PIAS4: variants seen among roughly 807,000 people sequenced by gnomAD.
PIAS4 encodes E3 SUMO-protein ligase PIAS4.
In PIAS4, 7 loss-of-function variants were observed where a neutral mutation model predicts 58.0. That is an observed-to-expected ratio of 0.12 (90% CI 0.07 to 0.23). PIAS4 has a LOEUF of 0.23. Among genes scored for constraint, PIAS4 ranks in the 10% least tolerant of loss-of-function variants. PIAS4 has a pLI of 1.00. For missense variants in PIAS4, 550 were observed against 709.5 expected, an observed-to-expected ratio of 0.78 and a Z score of 2.55; for synonymous variants, 364 against 312.4, an observed-to-expected ratio of 1.17 and a Z score of -1.74.
chr19:4,012,691 G>A (rs1210050346), intron 1 of PIAS4, among the ~76,000 whole-genome samples: 1 of 151,936 alleles, frequency 6.6e-6, no homozygotes, highest in Non-Finnish European at 1.5e-5. Flanking sequence ...AGTCAGAGGC[G>A]CTTTTGCTGC....
Position 4,017,447 on chromosome 19 carries a change from G to A in PIAS4, c.454+4098G>A, listed in dbSNP as rs1599218814. ...TCGGCATCACCCCTGTGCCTAGCCA[G>A]GGGCACCTGTTCCCCGCCCCTCCAG... On this transcript the variant is annotated intron_variant, in intron 2 of 10. Coordinates refer to ENST00000262971, the MANE Select transcript of PIAS4 (RefSeq NM_015897.4). Among the ~76,000 whole-genome samples the A allele has an allele frequency of 3.9e-5, 6 of 152,266 alleles. 1 individual carries two copies. The highest frequency in any genetic ancestry group is 3.3e-4 in the Admixed American group (5 of 15,298).
At chr19:4,033,195 T>G in intron 8 of PIAS4, 22 bp downstream of exon 8, 1 of 1,597,194 alleles carries the variant, frequency 6.3e-7, no homozygotes, top group East Asian at 2.2e-5. Flanking sequence ...CGCGGTCCCC[T>G]CCTCGAGGCC....
chr19:4,024,219 T>G, intron 3 of PIAS4, 99 bp downstream of exon 3: 4 of 853,360 alleles, frequency 4.7e-6, no homozygotes, highest in Non-Finnish European at 5.9e-6. Context: ...ACTGCAGGCC[T>G]CGCTCGGGCT....
At chr19:4,035,752 TCACA>T (rs1201731707) in intron 9 of PIAS4, among the ~76,000 whole-genome samples, 5,913 of 59,840 alleles carry the variant, frequency 0.099, 398 homozygotes, top group African/African-American at 0.3. Context: ...GTCCACACCA[TCACA>T]CACACACACC....
At chr19:4,030,995 A>G (rs2040217935) in intron 7 of PIAS4, among the ~76,000 whole-genome samples, 1 of 151,796 alleles carries the variant, frequency 6.6e-6, no homozygotes, top group Admixed American at 6.6e-5. Flanking sequence ...GTTTGCTCGC[A>G]CCCCCTTCCC....
chr19:4,011,482 GTTT>G (rs2039991475), intron 1 of PIAS4, among the ~76,000 whole-genome samples: 1 of 152,208 alleles, frequency 6.6e-6, no homozygotes, highest in Non-Finnish European at 1.5e-5. Context: ...CTGCTGTTTG[GTTT>G]TTATTTCGCT....
chr19:4,014,478 T>C (rs1202612402), intron 2 of PIAS4, among the ~76,000 whole-genome samples: 1 of 152,214 alleles, frequency 6.6e-6, no homozygotes, highest in Non-Finnish European at 1.5e-5. Context: ...TTTGCGGACC[T>C]GTGCCTTGAG....
intron 2 of PIAS4, among the ~76,000 whole-genome samples, chr19:4,022,380 C>T (rs185682812): frequency 2.7e-3 from 405 of 151,778 alleles, no homozygotes; most frequent in African/African-American, 9.2e-3. Context: ...GACAGAGTCT[C>T]GCTCTGTAGC....
intron 3 of PIAS4, 141 bp downstream of exon 3, chr19:4,024,261 G>A (rs551001906): frequency 7.9e-5 from 53 of 670,198 alleles, no homozygotes; most frequent in East Asian, 5.2e-4. Flanking sequence ...GGCAGTGGCC[G>A]GGTTTGCTTC....
At position 4,038,077 on chromosome 19, in the gene PIAS4, AG is replaced by A; in HGVS notation, c.*203del. On this transcript the variant is annotated 3_prime_UTR_variant, in exon 11 of 11. Transcript: ENST00000262971. The surrounding 1 kb of genome is among the most constrained non-coding windows in gnomAD (Gnocchi z 4.1). Reference sequence around the variant, plus strand: ...AAAAAAAAAGTAAAATGACAAAAAAAGATACAAAAAAGAAAAATGAAACAAA... The same window carrying A: ...AAAAAAAAAGTAAAATGACAAAAAAAATACAAAAAAGAAAAATGAAACAAA... 1 of 561,240 alleles carries A rather than the reference AG, an allele frequency of 1.8e-6. No individual in the cohort carries two copies. Among genetic ancestry groups the A allele is most frequent in the Non-Finnish European group, 3.0e-6 (1 of 334,682 alleles). The allele number at this position is 561,240 out of a possible 1,614,324, so 34.8% of individuals were successfully genotyped here.
chr19:4,033,856 A>T (rs112202802), intron 9 of PIAS4, among the ~76,000 whole-genome samples: 2 of 152,278 alleles, frequency 1.3e-5, no homozygotes, highest in South Asian at 4.1e-4. Flanking sequence ...GGCAAGTGTG[A>T]CCCTGAGCTC....
intron 9 of PIAS4, among the ~76,000 whole-genome samples, chr19:4,033,903 G>T (rs879626154): frequency 1.3e-5 from 2 of 152,180 alleles, no homozygotes; most frequent in Non-Finnish European, 2.9e-5. Context: ...ACTGAGCCAG[G>T]TCGTGCTTTC....
At chr19:4,029,671 T>C (rs943135437) in intron 7 of PIAS4, among the ~76,000 whole-genome samples, 2 of 150,918 alleles carry the variant, frequency 1.3e-5, no homozygotes, top group African/African-American at 4.9e-5. Flanking sequence ...AAAAAAAAAG[T>C]GTCTCGGTGT....
Position 4,037,410 on chromosome 19 carries a change from C to G in PIAS4, c.1179C>G (p.Ala393=), listed in dbSNP as rs781616538. The G allele has an allele frequency of 1.2e-6, 2 of 1,610,598 alleles. No individual in the cohort carries two copies. Among genetic ancestry groups the G allele is most frequent in the East Asian group, 4.5e-5 (2 of 44,832 alleles). Residue 393 remains alanine, a synonymous_variant, in exon 10 of 11, where the codon GCC becomes GCG. Coordinates refer to ENST00000262971, the MANE Select transcript of PIAS4 (RefSeq NM_015897.4). This position sits in a 1 kb window ranked among gnomAD's most constrained non-coding sequence, Gnocchi z 5.8. ...LSKILSECED[A]DEIEYLVDGS... is the part of the protein sequence containing the mutation. ...AGATCCTGAGCGAGTGTGAGGACGC[C>G]GACGAGATCGAGTACCTGGTGGACG...
At position 4,013,134 on chromosome 19, in the gene PIAS4, C is replaced by A; in HGVS notation, c.239C>A (p.Pro80His). The stretch of plus-strand genomic sequence containing the variant: ...GAGCCTGCCCCACAGCCGCACCGGC[C>A]CCTGGACCCCCTGACCATGCACTCC... ...NSEPAPQPHR[P>H]LDPLTMHSTY... The change falls in exon 2 of 11, where the codon CCC becomes CAC. Residue 80 changes from proline to histidine, a missense_variant. Physicochemically the swap from Pro to His is moderately conservative, Grantham distance 77 (BLOSUM62 -2). Around this residue, in one of 4 missense-constraint regions of PIAS4, gnomAD observed 95 missense variants for 87.5 expected, o/e 1.09. Coordinates refer to ENST00000262971, the MANE Select transcript of PIAS4 (RefSeq NM_015897.4). The surrounding 1 kb of genome is among the most constrained non-coding windows in gnomAD (Gnocchi z 5.1). 6.2e-7 allele frequency: 1 copy of A among 1,613,410 alleles called. No homozygotes were observed. The highest frequency in any genetic ancestry group is 8.5e-7 in the Non-Finnish European group (1 of 1,180,008).
Position 4,037,305 on chromosome 19 carries a change from A to ATGGAGGGC in PIAS4, c.1143-65_1143-58dup. On this transcript the variant is annotated intron_variant, in intron 9 of 10. Transcript: ENST00000262971. This position sits in a 1 kb window ranked among gnomAD's most constrained non-coding sequence, Gnocchi z 5.8. ...GAGTGCCTGGCTGCATCCGGGAGGG[A>ATGGAGGGC]TGGAGGGCTGGGGAGTTGGGGGGGT... The ATGGAGGGC allele has an allele frequency of 7.3e-7, 1 of 1,368,364 alleles. No homozygotes were observed. The highest frequency in any genetic ancestry group is 9.8e-7 in the Non-Finnish European group (1 of 1,022,242). 84.8% of individuals were successfully genotyped at this position (1,368,364 alleles called of 1,614,324 possible).
intron 3 of PIAS4, 51 bp downstream of exon 3, chr19:4,024,171 T>C (rs2040139561): frequency 7.3e-7 from 1 of 1,366,428 alleles, no homozygotes; most frequent in South Asian, 1.2e-5. Context: ...CCACCCACTT[T>C]CTCCTGGGCT....
rs2040019826 is a variant in PIAS4, at chr19:4,013,440, A to C, written c.454+91A>C. 8.3e-7 allele frequency: 1 copy of C among 1,203,756 alleles called. No homozygotes were observed. The highest frequency in any genetic ancestry group is 1.4e-5 in the South Asian group (1 of 72,340). The allele number at this position is 1,203,756 out of a possible 1,614,324, so 74.6% of individuals were successfully genotyped here. On this transcript the variant is annotated intron_variant, in intron 2 of 10. Transcript: ENST00000262971. The surrounding 1 kb of genome is among the most constrained non-coding windows in gnomAD (Gnocchi z 5.1). ...CCAGCCACACAGCCGACTTCGAGTG[A>C]TGTTCTCTGTGGCGCAGCCAGGGCG...
rs911827306 is a variant in PIAS4, at chr19:4,033,406, C to T, written c.982-14C>T. The T allele has an allele frequency of 2.7e-5, 41 of 1,545,764 alleles. No homozygotes were observed. Among genetic ancestry groups the T allele is most frequent in the Non-Finnish European group, 3.1e-5 (36 of 1,146,114 alleles). ...CAGGAGGGGTGCCCTGCTCACGCAG[C>T]CCCTCCCCCACAGCTGGTGAAGATG... On this transcript the variant is annotated splice_polypyrimidine_tract_variant and intron_variant, in intron 8 of 10. Transcript: ENST00000262971.
Sources: gnomAD v4.1 joint callset for allele counts (sites outside exome capture counted in the v4.1 genomes callset) on GRCh38, gnomAD v4.1.1 for gene constraint, gnomAD v4.1.1 regional missense constraint, Gnocchi (gnomAD v3.1) non-coding constraint, MANE v1.5 for transcripts, NCBI Gene and HGNC (gene_info 2026-07-23, HGNC 2026-07-21) for gene names.